The following NBAS variants were observed in gnomAD, a reference collection of about 807,000 sequenced individuals.
NBAS encodes the protein NAG/BC035112 fusion.
A neutral mutation model predicts 302.5 loss-of-function variants in NBAS; 219 were observed. The observed-to-expected ratio is 0.72, with a 90% CI of 0.65 to 0.81. The LOEUF is 0.81. Ranked by LOEUF, NBAS falls within the 30% of genes least tolerant of loss-of-function variation. The probability of loss-of-function intolerance (pLI) is 0.00; values close to 1 mark genes in which losing one functional copy is unlikely to be tolerated. For missense variants in NBAS, 2,932 were observed against 2,841.6 expected (o/e 1.03, Z -0.72); for synonymous variants, 1,118 against 1,021.6 (o/e 1.09, Z -1.80).
chr2:15,393,638 C>CAAACAT, intron 28 of NBAS: 2 of 348,468 alleles, frequency 5.7e-6, no homozygotes, highest in South Asian at 1.7e-5. Context: ...TACACAAACA[C>CAAACAT]TTGCATATGA....
the NBAS span, among the ~76,000 whole-genome samples, chr2:15,135,818 G>A: frequency 6.7e-6 from 1 of 148,156 alleles, no homozygotes; most frequent in East Asian, 2.0e-4. Flanking sequence ...AAAAAGAATT[G>A]TCTTGGGCCA....
At chr2:14,889,186 G>A in the NBAS span, among the ~76,000 whole-genome samples, 1 of 152,134 alleles carries the variant, frequency 6.6e-6, no homozygotes, top group Admixed American at 6.5e-5. Context: ...GTGTTTTGAT[G>A]GTGATTTATT....
chr2:15,440,129 A>C (rs886847804), intron 21 of NBAS, among the ~76,000 whole-genome samples: 64 of 152,336 alleles, frequency 4.2e-4, no homozygotes, highest in Admixed American at 1.8e-3. Flanking sequence ...TTAAATGTCC[A>C]TGTCTGACAG....
At chr2:15,222,789 G>A (rs540341588) in intron 47 of NBAS, among the ~76,000 whole-genome samples, 14 of 152,220 alleles carry the variant, frequency 9.2e-5, no homozygotes, top group African/African-American at 2.4e-4. Flanking sequence ...TGAACCAAAC[G>A]GGCTATTCCA....
chr2:15,085,403 A>G, the NBAS span, among the ~76,000 whole-genome samples: 3 of 151,112 alleles, frequency 2.0e-5, no homozygotes, highest in African/African-American at 4.9e-5. Flanking sequence ...CGAGCCTGAC[A>G]CTCCCTACAG....
At chr2:15,117,196 G>T in the NBAS span, among the ~76,000 whole-genome samples, 2 of 152,124 alleles carry the variant, frequency 1.3e-5, no homozygotes, top group African/African-American at 4.8e-5. Context: ...AAATAAACCC[G>T]CCGTCCCCAG....
chr2:15,487,844 C>A (rs560105127), intron 12 of NBAS, among the ~76,000 whole-genome samples: 1 of 152,180 alleles, frequency 6.6e-6, no homozygotes, highest in Non-Finnish European at 1.5e-5. Context: ...AATCTAGATC[C>A]AATAAGGGAG....
the NBAS span, among the ~76,000 whole-genome samples, chr2:14,932,943 C>G: frequency 6.6e-6 from 1 of 152,180 alleles, no homozygotes; most frequent in African/African-American, 2.4e-5. Context: ...AACTAATATT[C>G]TACTAAGTAT....
chr2:15,064,666 C>G, the NBAS span, among the ~76,000 whole-genome samples: 1 of 152,138 alleles, frequency 6.6e-6, no homozygotes, highest in African/African-American at 2.4e-5. Context: ...ATCAATTCTT[C>G]TTAAATTATT....
chr2:15,245,362 CA>C (rs1357184187), intron 44 of NBAS, among the ~76,000 whole-genome samples: 4 of 152,096 alleles, frequency 2.6e-5, no homozygotes, highest in African/African-American at 9.7e-5. Flanking sequence ...AATGTTCTCC[CA>C]GGCACCCTCA....
intron 44 of NBAS, among the ~76,000 whole-genome samples, chr2:15,250,600 CTT>C (rs1668318231): frequency 6.6e-6 from 1 of 152,186 alleles, no homozygotes; most frequent in Non-Finnish European, 1.5e-5. Context: ...CTACAAAAAA[CTT>C]AAGCAAATTT....
In NBAS at chr2:15,534,432, A is replaced by C. The variant is rs1253604209; in HGVS notation, c.746+111T>G. On this transcript the variant is annotated intron_variant, in intron 9 of 51. Transcript: ENST00000281513. ...TTATAGATATTAAAGATAACTACGC[A>C]CAAGAGGAGGAAATTAAGAAGTCAA... The C allele has an allele frequency of 1.2e-5, 10 of 831,926 alleles. No homozygotes were observed. The South Asian group carries it at 1.3e-4, about 11-fold the overall frequency. The allele number at this position is 831,926 out of a possible 1,614,324, so 51.5% of individuals were successfully genotyped here.
intron 9 of NBAS, among the ~76,000 whole-genome samples, chr2:15,521,868 A>T (rs4668918): frequency 0.64 from 96,962 of 152,066 alleles, 31,644 homozygotes; most frequent in Non-Finnish European, 0.68. Flanking sequence ...TTTTATATGT[A>T]GTCATGTCTG....
the NBAS span, among the ~76,000 whole-genome samples, chr2:14,957,010 G>C: frequency 6.6e-6 from 1 of 152,252 alleles, no homozygotes; most frequent in East Asian, 1.9e-4. Flanking sequence ...ATGACTGGTG[G>C]TGTCCTTATA....
chr2:15,544,888 G>A (rs1664028350), intron 6 of NBAS, among the ~76,000 whole-genome samples: 1 of 152,092 alleles, frequency 6.6e-6, no homozygotes, highest in South Asian at 2.1e-4. Flanking sequence ...GTGCACGCCT[G>A]TGATCCCAGC....
chr2:15,169,766 C>T (rs560888085), intron 51 of NBAS, among the ~76,000 whole-genome samples: 16 of 152,330 alleles, frequency 1.1e-4, no homozygotes, highest in African/African-American at 3.8e-4. Flanking sequence ...AGGAGCTGAG[C>T]AAGATTTGTG....
At chr2:14,941,243 T>C in the NBAS span, among the ~76,000 whole-genome samples, 148 of 152,318 alleles carry the variant, frequency 9.7e-4, 7 homozygotes, top group East Asian at 0.028. Context: ...CAGGCATCTG[T>C]GGAAATTCCA....
the NBAS span, among the ~76,000 whole-genome samples, chr2:14,870,185 C>T: frequency 6.6e-6 from 1 of 152,114 alleles, no homozygotes; most frequent in Non-Finnish European, 1.5e-5. Flanking sequence ...GAGCCCAAAC[C>T]CAAACTAAGG....
chr2:14,908,630 G>A, the NBAS span, among the ~76,000 whole-genome samples: 2 of 152,202 alleles, frequency 1.3e-5, no homozygotes, highest in Admixed American at 1.3e-4. Context: ...TTACTACAAA[G>A]AAAAGGAGCA....
Sources: gnomAD v4.1 joint callset for allele counts (sites outside exome capture counted in the v4.1 genomes callset) on GRCh38, gnomAD v4.1.1 for gene constraint, MANE v1.5 for transcripts, NCBI Gene and HGNC (gene_info 2026-07-23, HGNC 2026-07-21) for gene names.